The following PAMR1 variants were observed in gnomAD, a reference collection of about 807,000 sequenced individuals.
PAMR1 encodes the protein inactive serine protease PAMR1.
In PAMR1, 88 loss-of-function variants were observed where a neutral mutation model predicts 81.8. That is an observed-to-expected ratio of 1.08 (90% CI 0.91 to 1.28). The LOEUF (loss-of-function observed/expected upper bound fraction) is 1.28. PAMR1 is among the 50% of genes most tolerant of loss of function. The probability of loss-of-function intolerance (pLI) is 0.00; values close to 1 mark genes in which losing one functional copy is unlikely to be tolerated. For synonymous variants in PAMR1, 336 were observed against 345.3 expected, an observed-to-expected ratio of 0.97 and a Z score of 0.30; for missense variants, 935 against 919.7, an observed-to-expected ratio of 1.02 and a Z score of -0.21.
At chr11:35,448,759 T>C (rs1856349420) in intron 6 of PAMR1, among the ~76,000 whole-genome samples, 1 of 152,250 alleles carries the variant, frequency 6.6e-6, no homozygotes, top group Non-Finnish European at 1.5e-5. Flanking sequence ...ATGTTGATTT[T>C]TTCTCATCTT....
At position 35,432,850 on chromosome 11, in the gene PAMR1, G is replaced by C. The variant is rs1455516494; in HGVS notation, c.1669C>G (p.Leu557Val). ...TTCAGGATGGCGATGTCAGCATCAA[G>C]CAGGATGGGGTCATAGTTGGGATGC... ...ILHPNYDPIL[L>V]DADIAILKLL... Residue 557 changes from leucine to valine, a missense_variant, in exon 11 of 11, where the codon CTT becomes GTT. Leu to Val is a conservative substitution (Grantham distance 32). Transcript: ENST00000619888. 1 of 1,598,842 alleles carries C rather than the reference G, an allele frequency of 6.3e-7. No individual in the cohort carries two copies. The highest frequency in any genetic ancestry group is 2.2e-5 in the East Asian group (1 of 44,836).
intron 4 of PAMR1, among the ~76,000 whole-genome samples, chr11:35,474,125 A>G (rs1422003662): frequency 6.6e-6 from 1 of 152,358 alleles, no homozygotes; most frequent in African/African-American, 2.4e-5. Context: ...AACATTTGCG[A>G]AGGCCCTAAA....
chr11:35,441,408 CA>C lies in PAMR1; in HGVS notation c.1033+72del, dbSNP rs1590319229. On this transcript the variant is annotated intron_variant, in intron 7 of 10. Transcript: ENST00000619888. ...AGGCATTTTTCCAGGGGCTTAAAAA[CA>C]TGCAAAGGAGCTACCAAAAAGTCTA... The C allele has an allele frequency of 1.9e-5, 20 of 1,067,844 alleles. No individual in the cohort carries two copies. In the East Asian group the frequency reaches 4.8e-4, roughly 26 times the overall value. 66.1% of individuals were successfully genotyped at this position (1,067,844 alleles called of 1,614,324 possible).
At chr11:35,523,754 A>C (rs1851329706) in intron 1 of PAMR1, among the ~76,000 whole-genome samples, 1 of 152,152 alleles carries the variant, frequency 6.6e-6, no homozygotes, top group Admixed American at 6.5e-5. Context: ...AATGTGAGTA[A>C]AACATTCAAC....
intron 1 of PAMR1, among the ~76,000 whole-genome samples, chr11:35,522,133 A>G (rs900119576): frequency 6.6e-6 from 1 of 152,174 alleles, no homozygotes; most frequent in Non-Finnish European, 1.5e-5. Context: ...TGTGTTAGCC[A>G]GGATGGCCTC....
At chr11:35,438,989 A>G (rs1001155118) in intron 8 of PAMR1, among the ~76,000 whole-genome samples, 1 of 152,186 alleles carries the variant, frequency 6.6e-6, no homozygotes, top group Non-Finnish European at 1.5e-5. Context: ...CCAAAGCAGA[A>G]CTGTGCTTGG....
chr11:35,432,302 C>T lies in PAMR1; in HGVS notation c.*54G>A. 1 of 1,501,782 alleles carries T rather than the reference C, an allele frequency of 6.7e-7. No homozygotes were observed. Among genetic ancestry groups the T allele is most frequent in the Non-Finnish European group, 9.1e-7 (1 of 1,102,700 alleles). 93.0% of individuals were successfully genotyped at this position (1,501,782 alleles called of 1,614,324 possible). On this transcript the variant is annotated 3_prime_UTR_variant, in exon 11 of 11. Coordinates refer to ENST00000619888, the MANE Select transcript of PAMR1 (RefSeq NM_001001991.3). ...AGGCCCACACTGCTTCACGCAATGA[C>T]ACACGTACAGACGGATATACAGAAA... is the stretch of plus-strand genomic sequence containing the variant.
intron 1 of PAMR1, among the ~76,000 whole-genome samples, chr11:35,508,315 T>C (rs1359243871): frequency 6.6e-6 from 1 of 152,128 alleles, no homozygotes; most frequent in Non-Finnish European, 1.5e-5. Flanking sequence ...AGGGACATTA[T>C]GGATATGGAA....
intron 6 of PAMR1, among the ~76,000 whole-genome samples, chr11:35,443,756 G>A (rs1340333662): frequency 2.0e-5 from 3 of 152,150 alleles, no homozygotes; most frequent in Non-Finnish European, 4.4e-5. Context: ...GGTATTTCTG[G>A]TGCTAGATCT....
intron 3 of PAMR1, among the ~76,000 whole-genome samples, chr11:35,489,459 G>A (rs7130094): frequency 8.5e-5 from 13 of 152,126 alleles, no homozygotes; most frequent in Admixed American, 1.3e-4. Context: ...CGCTGCAATC[G>A]CACTCCTAAT....
At chr11:35,504,106 C>T (rs1055705353) in intron 1 of PAMR1, among the ~76,000 whole-genome samples, 1 of 151,942 alleles carries the variant, frequency 6.6e-6, no homozygotes. Flanking sequence ...TTATCAAATG[C>T]TTTTTCAGCA....
chr11:35,489,942 G>A (rs772185959), intron 3 of PAMR1, among the ~76,000 whole-genome samples: 1 of 152,220 alleles, frequency 6.6e-6, no homozygotes, highest in Non-Finnish European at 1.5e-5. Context: ...CTACAAGGCT[G>A]TATTAATCTG....
At chr11:35,440,187 A>T (rs1233901997) in intron 7 of PAMR1, among the ~76,000 whole-genome samples, 1 of 152,226 alleles carries the variant, frequency 6.6e-6, no homozygotes, top group Admixed American at 6.5e-5. Context: ...AGGGCAATTC[A>T]AAGCCCAGTT....
chr11:35,441,338 T>C, intron 7 of PAMR1, 143 bp downstream of exon 7: 1 of 670,912 alleles, frequency 1.5e-6, no homozygotes, highest in Non-Finnish European at 2.6e-6. Flanking sequence ...TAGGATGGTT[T>C]CCAACCTCAG....
At chr11:35,445,540 A>G (rs1208098057) in intron 6 of PAMR1, among the ~76,000 whole-genome samples, 1 of 152,142 alleles carries the variant, frequency 6.6e-6, no homozygotes, top group Non-Finnish European at 1.5e-5. Flanking sequence ...GAGAGTTTTT[A>G]ACATGAAGGG....
At chr11:35,529,466 A>T (rs1851434465), upstream of PAMR1, among the ~76,000 whole-genome samples, 1 of 152,168 alleles carries the variant, frequency 6.6e-6, no homozygotes. Flanking sequence ...ACTATTTCTG[A>T]CTTAAGAGCA....
At chr11:35,485,002 C>A (rs1380716821) in intron 3 of PAMR1, among the ~76,000 whole-genome samples, 2 of 152,162 alleles carry the variant, frequency 1.3e-5, no homozygotes, top group Non-Finnish European at 2.9e-5. Context: ...GATATCAGCA[C>A]CTCTAATAGC....
chr11:35,493,765 C>T (rs961533443), intron 2 of PAMR1, among the ~76,000 whole-genome samples: 8 of 152,198 alleles, frequency 5.3e-5, no homozygotes, highest in African/African-American at 1.9e-4. Flanking sequence ...TCCATATCCC[C>T]CCAGGCTATA....
At chr11:35,444,306 C>A (rs1043922361) in intron 6 of PAMR1, among the ~76,000 whole-genome samples, 7 of 152,116 alleles carry the variant, frequency 4.6e-5, no homozygotes, top group Non-Finnish European at 2.9e-5. Context: ...TATGTTCACT[C>A]TGATGATAGT....
Sources: gnomAD v4.1 joint callset for allele counts (sites outside exome capture counted in the v4.1 genomes callset) on GRCh38, gnomAD v4.1.1 for gene constraint, MANE v1.5 for transcripts, NCBI Gene and HGNC (gene_info 2026-07-23, HGNC 2026-07-21) for gene names.